Variants in THSD7B observed in about 807,000 individuals in gnomAD.
The protein encoded by THSD7B is thrombospondin type 1 domain containing 7B.
A neutral mutation model predicts 213.6 loss-of-function variants in THSD7B; 138 were observed. The observed-to-expected ratio is 0.65, with a 90% CI of 0.56 to 0.74. THSD7B has a LOEUF of 0.74. THSD7B is among the 30% of genes least tolerant of loss of function. The pLI is 0.00. For missense variants in THSD7B, 1,931 were observed against 1,991.5 expected, an observed-to-expected ratio of 0.97 and a Z score of 0.58; for synonymous variants, 742 against 687.0, an observed-to-expected ratio of 1.08 and a Z score of -1.25.
chr2:137,080,061 C>T (rs1687712442), intron 3 of THSD7B, among the ~76,000 whole-genome samples: 1 of 152,078 alleles, frequency 6.6e-6, no homozygotes, highest in Non-Finnish European at 1.5e-5. Flanking sequence ...AGGCTGGTCT[C>T]AAACTGCTGA....
At chr2:136,823,808 A>G (rs1424562972) in intron 1 of THSD7B, among the ~76,000 whole-genome samples, 1 of 151,926 alleles carries the variant, frequency 6.6e-6, no homozygotes, top group African/African-American at 2.4e-5. Flanking sequence ...TAACTAAATT[A>G]ACAAAGAAGA....
intron 17 of THSD7B, among the ~76,000 whole-genome samples, chr2:137,595,554 A>G (rs1558853531): frequency 6.6e-6 from 1 of 151,968 alleles, no homozygotes; most frequent in East Asian, 1.9e-4. Context: ...CTTGAATTCA[A>G]ATATGAATCC....
chr2:137,351,345 G>A (rs911079881), intron 12 of THSD7B, among the ~76,000 whole-genome samples: 2 of 151,860 alleles, frequency 1.3e-5, no homozygotes, highest in Non-Finnish European at 2.9e-5. Context: ...TGTCATCACC[G>A]AGGATGTCCT....
intron 15 of THSD7B, among the ~76,000 whole-genome samples, chr2:137,464,311 CCAGAA>C (rs1464257300): frequency 3.9e-5 from 6 of 151,950 alleles, no homozygotes; most frequent in African/African-American, 1.2e-4. Flanking sequence ...TTGGGTTCTT[CCAGAA>C]AGAGTGCAGA....
intron 2 of THSD7B, among the ~76,000 whole-genome samples, chr2:136,884,853 C>G (rs1231450167): frequency 2.0e-5 from 3 of 151,788 alleles, no homozygotes; most frequent in African/African-American, 4.8e-5. Context: ...TCAGTGGTTT[C>G]TAGTTTTTTT....
intron 17 of THSD7B, among the ~76,000 whole-genome samples, chr2:137,576,546 A>G (rs1347119077): frequency 1.3e-5 from 2 of 152,128 alleles, no homozygotes; most frequent in Admixed American, 6.6e-5. Flanking sequence ...CAAAGAAACT[A>G]TATAGGGCTT....
At chr2:136,963,619 C>T (rs1014673192) in intron 2 of THSD7B, among the ~76,000 whole-genome samples, 1 of 152,108 alleles carries the variant, frequency 6.6e-6, no homozygotes, top group African/African-American at 2.4e-5. Context: ...GCTGTCCAGC[C>T]TGAACAACAC....
chr2:137,131,883 G>A (rs1004424151), intron 5 of THSD7B, among the ~76,000 whole-genome samples: 3 of 152,008 alleles, frequency 2.0e-5, no homozygotes, highest in African/African-American at 7.3e-5. Context: ...GGTTCCATAT[G>A]AACTTTAAAG....
chr2:137,263,800 A>G (rs1444115152), intron 10 of THSD7B, among the ~76,000 whole-genome samples: 1 of 152,180 alleles, frequency 6.6e-6, no homozygotes, highest in African/African-American at 2.4e-5. Flanking sequence ...GAACACCAAG[A>G]TGGATAGGAA....
At chr2:137,355,155 C>T (rs888831913) in intron 12 of THSD7B, among the ~76,000 whole-genome samples, 1 of 152,094 alleles carries the variant, frequency 6.6e-6, no homozygotes, top group Admixed American at 6.6e-5. Context: ...TTTTTAAGAA[C>T]AGCCACAAAC....
chr2:137,241,903 C>T (rs574948676), intron 9 of THSD7B, among the ~76,000 whole-genome samples: 2 of 145,444 alleles, frequency 1.4e-5, no homozygotes, highest in South Asian at 2.2e-4. Flanking sequence ...AGTGAGACTC[C>T]ATCTCAGGAA....
chr2:137,366,529 T>C (rs1210703212), intron 12 of THSD7B, among the ~76,000 whole-genome samples: 1 of 152,112 alleles, frequency 6.6e-6, no homozygotes, highest in Non-Finnish European at 1.5e-5. Context: ...TTTATTACAG[T>C]TGATATCACA....
intron 2 of THSD7B, among the ~76,000 whole-genome samples, chr2:136,966,733 G>C (rs913027145): frequency 1.3e-5 from 2 of 152,212 alleles, no homozygotes; most frequent in African/African-American, 2.4e-5. Context: ...CGTCTTTGCT[G>C]TTTGTCTTAT....
rs561848918 is a variant in THSD7B at position 137,280,284 on chromosome 2, C to T, written c.2500+4258C>T. Among the ~76,000 whole-genome samples the T allele has an allele frequency of 5.9e-5, 9 of 152,224 alleles. No homozygotes were observed. In the East Asian group the frequency reaches 9.6e-4, roughly 16 times the overall value. On this transcript the variant is annotated intron_variant, in intron 12 of 27. Transcript: ENST00000409968. ...TTGTCTTGTTTACCTTGCAGGGCCTCGTACTTTCACTCTGTTTGGGGTGTT... is the reference window on the plus strand; with the variant it reads ...TTGTCTTGTTTACCTTGCAGGGCCTTGTACTTTCACTCTGTTTGGGGTGTT...
At chr2:137,118,170 T>C (rs772470448) in intron 5 of THSD7B, among the ~76,000 whole-genome samples, 7 of 152,198 alleles carry the variant, frequency 4.6e-5, no homozygotes, top group South Asian at 2.1e-4. Flanking sequence ...AAGAGAATAG[T>C]GTTTCTCTTT....
At chr2:137,235,592 T>A (rs1681746217) in intron 9 of THSD7B, among the ~76,000 whole-genome samples, 1 of 152,170 alleles carries the variant, frequency 6.6e-6, no homozygotes, top group African/African-American at 2.4e-5. Flanking sequence ...TGAATCACAG[T>A]TTCATGAAGG....
intron 15 of THSD7B, among the ~76,000 whole-genome samples, chr2:137,558,261 A>T (rs1681026689): frequency 6.6e-6 from 1 of 152,198 alleles, no homozygotes; most frequent in African/African-American, 2.4e-5. Context: ...ACACAACAAA[A>T]AAAGAAAATT....
intron 2 of THSD7B, among the ~76,000 whole-genome samples, chr2:136,982,704 G>A (rs907238125): frequency 2.0e-5 from 3 of 152,040 alleles, no homozygotes; most frequent in African/African-American, 7.3e-5. Context: ...TTTCCCCTAA[G>A]TTGAAAAACA....
chr2:136,898,904 G>A (rs928007334), intron 2 of THSD7B, among the ~76,000 whole-genome samples: 1 of 152,044 alleles, frequency 6.6e-6, no homozygotes, highest in Non-Finnish European at 1.5e-5. Flanking sequence ...GCCTCCCAAA[G>A]TGCTGGGATT....
Sources: gnomAD v4.1 joint callset for allele counts (sites outside exome capture counted in the v4.1 genomes callset) on GRCh38, gnomAD v4.1.1 for gene constraint, MANE v1.5 for transcripts, NCBI Gene and HGNC (gene_info 2026-07-23, HGNC 2026-07-21) for gene names.